MAP3K13: variants seen among roughly 807,000 people sequenced by gnomAD.
MAP3K13 encodes the protein mitogen-activated protein kinase kinase kinase 13, also known as leucine zipper-bearing kinase.
A neutral mutation model predicts 104.0 loss-of-function variants in MAP3K13; 52 were observed. The ratio of observed to expected loss-of-function variants is 0.50; its 90% CI spans 0.40 to 0.63. The LOEUF (loss-of-function observed/expected upper bound fraction) is 0.63, where lower values mean the gene tolerates loss of function less well. Among genes scored for constraint, MAP3K13 ranks in the 20% least tolerant of loss-of-function variants. MAP3K13 has a pLI of 0.00. For missense variants in MAP3K13, 914 were observed against 1,218.5 expected, an observed-to-expected ratio of 0.75 and a Z score of 3.72; for synonymous variants, 394 against 442.2, an observed-to-expected ratio of 0.89 and a Z score of 1.37.
chr3:185,339,474 A>G (rs1392568603), intron 2 of MAP3K13, among the ~76,000 whole-genome samples: 6 of 152,240 alleles, frequency 3.9e-5, no homozygotes, highest in South Asian at 4.1e-4. Context: ...GCTCCACCCC[A>G]GGCCTAACTG....
chr3:185,288,534 T>TGTGTG (rs57631600), intron 2 of MAP3K13, among the ~76,000 whole-genome samples: 95,480 of 147,932 alleles, frequency 0.65, 31,535 homozygotes, highest in Non-Finnish European at 0.72. Flanking sequence ...GTGTGTGTGT[T>TGTGTG]TGTGTGTATA....
At chr3:185,422,707 A>C (rs1022376588) in intron 1 of MAP3K13, among the ~76,000 whole-genome samples, 3 of 152,244 alleles carry the variant, frequency 2.0e-5, no homozygotes, top group African/African-American at 7.2e-5. Context: ...GCTGAAATTC[A>C]CATATATATT....
Position 185,373,716 on chromosome 3 carries a change from A to G in MAP3K13, c.-86+10348A>G, listed in dbSNP as rs926335178. On this transcript the variant is annotated intron_variant, in intron 1 of 13. Transcript: ENST00000265026. ...GTGTGCCTAAATAACAAGAGAACAA[A>G]ACTTTTTTTTCTATTTCTGTTTCTC... 2.6e-4 allele frequency among the ~76,000 whole-genome samples: 40 copies of G among 152,078 alleles called. 2 individuals carry two copies. Among genetic ancestry groups the G allele is most frequent in the African/African-American group, 9.4e-4 (39 of 41,484 alleles).
chr3:185,424,463 C>T (rs1392688145), intron 1 of MAP3K13, among the ~76,000 whole-genome samples: 2 of 152,278 alleles, frequency 1.3e-5, no homozygotes, highest in African/African-American at 4.8e-5. Flanking sequence ...AGAGAAATTT[C>T]TTCTCTTGTG....
At chr3:185,401,596 G>A (rs559647574) in intron 1 of MAP3K13, among the ~76,000 whole-genome samples, 98 of 152,290 alleles carry the variant, frequency 6.4e-4, no homozygotes, top group African/African-American at 1.8e-3. Flanking sequence ...TCAGTAAAGC[G>A]GCAGAGGCAT....
intron 1 of MAP3K13, among the ~76,000 whole-genome samples, chr3:185,371,087 G>A (rs1016077452): frequency 6.6e-6 from 1 of 151,774 alleles, no homozygotes; most frequent in Non-Finnish European, 1.5e-5. Flanking sequence ...TTTGAAAATT[G>A]TTCTTTCATA....
At chr3:185,453,982 GAT>G (rs1173935240) in intron 7 of MAP3K13, among the ~76,000 whole-genome samples, 117 of 33,712 alleles carry the variant, frequency 3.5e-3, no homozygotes, top group Non-Finnish European at 5.4e-3. Flanking sequence ...ATATATATGA[GAT>G]ATATATATGA....
Position 185,482,868 on chromosome 3 carries a change from A to G in MAP3K13, c.*412A>G. 1 of 234,606 alleles carries G rather than the reference A, an allele frequency of 4.3e-6. No individual in the cohort carries two copies. Among genetic ancestry groups the G allele is most frequent in the Non-Finnish European group, 8.4e-6 (1 of 119,186 alleles). 14.5% of individuals were successfully genotyped at this position (234,606 alleles called of 1,614,324 possible). ...AAAAAAGAAATAAGTGGAATTTAAG[A>G]GCAACATCCTTGGGAATTTGTGGGG... On this transcript the variant is annotated 3_prime_UTR_variant, in exon 14 of 14. Coordinates refer to ENST00000265026, the MANE Select transcript of MAP3K13 (RefSeq NM_004721.5). The surrounding 1 kb of genome is among the most constrained non-coding windows in gnomAD (Gnocchi z 4.5).
chr3:185,283,108 G>C (rs1262952317), intron 1 of MAP3K13: 1 of 152,680 alleles, frequency 6.5e-6, no homozygotes, highest in Non-Finnish European at 1.5e-5. Flanking sequence ...CCCTAAGCGC[G>C]GGTGGACACA....
At chr3:185,341,569 T>A (rs1722724058) in intron 2 of MAP3K13, among the ~76,000 whole-genome samples, 1 of 152,246 alleles carries the variant, frequency 6.6e-6, no homozygotes, top group South Asian at 2.1e-4. Context: ...CTTTCTGTGT[T>A]AAGCCTGTGG....
Position 185,485,877 on chromosome 3 carries a change from G to A in MAP3K13, c.*3421G>A, listed in dbSNP as rs1466964461. ...AATGCCTAACTGTGATGTCATCCTA[G>A]AACAAGACTAAAGAACTTTAAGAAG... is the stretch of plus-strand genomic sequence containing the variant. On this transcript the variant is annotated 3_prime_UTR_variant, in exon 14 of 14. Coordinates refer to ENST00000265026, the MANE Select transcript of MAP3K13 (RefSeq NM_004721.5). 1.3e-5 allele frequency: 2 copies of A among 152,080 alleles called. No homozygotes were observed. The highest frequency in any genetic ancestry group is 2.9e-5 in the Non-Finnish European group (2 of 67,994). The allele number at this position is 152,080 out of a possible 1,614,324, so 9.4% of individuals were successfully genotyped here.
chr3:185,316,886 T>C (rs1721697542), intron 2 of MAP3K13, among the ~76,000 whole-genome samples: 1 of 152,216 alleles, frequency 6.6e-6, no homozygotes, highest in Non-Finnish European at 1.5e-5. Flanking sequence ...GGAAGGACGA[T>C]GACTGGGTTT....
intron 1 of MAP3K13, among the ~76,000 whole-genome samples, chr3:185,388,940 A>C (rs1387232686): frequency 6.6e-6 from 1 of 152,204 alleles, no homozygotes; most frequent in Non-Finnish European, 1.5e-5. Flanking sequence ...AATTTGTGTC[A>C]TATTCGTTCT....
intron 2 of MAP3K13, among the ~76,000 whole-genome samples, chr3:185,295,502 C>G (rs2108676083): frequency 6.6e-6 from 1 of 152,360 alleles, no homozygotes; most frequent in East Asian, 1.9e-4. Context: ...AGCGCCCAGC[C>G]TTCTTTAGGG....
At chr3:185,376,116 A>G (rs894057079) in intron 1 of MAP3K13, among the ~76,000 whole-genome samples, 1 of 152,126 alleles carries the variant, frequency 6.6e-6, no homozygotes, top group Non-Finnish European at 1.5e-5. Context: ...TGAAGGAAAC[A>G]TGGGGAAATG....
intron 1 of MAP3K13, chr3:185,417,705 T>A: frequency 6.2e-7 from 1 of 1,612,324 alleles, no homozygotes; most frequent in African/African-American, 1.3e-5. Context: ...GTAGTGCTGC[T>A]GCTGCAGCAG....
chr3:185,386,981 A>G (rs1711734958), intron 1 of MAP3K13, among the ~76,000 whole-genome samples: 1 of 152,162 alleles, frequency 6.6e-6, no homozygotes, highest in South Asian at 2.1e-4. Flanking sequence ...GAATGGGATG[A>G]TGTGTGCAGC....
At chr3:185,410,136 C>T (rs184643616) in intron 1 of MAP3K13, among the ~76,000 whole-genome samples, 4 of 152,308 alleles carry the variant, frequency 2.6e-5, no homozygotes, top group Non-Finnish European at 5.9e-5. Context: ...CTGCTGCTCA[C>T]CTCCTGCTGT....
chr3:185,465,439 T>A (rs1442220546), intron 8 of MAP3K13, among the ~76,000 whole-genome samples: 1 of 152,234 alleles, frequency 6.6e-6, no homozygotes, highest in Non-Finnish European at 1.5e-5. Context: ...ATATTTCCAT[T>A]AACATATGAG....
Sources: gnomAD v4.1 joint callset for allele counts (sites outside exome capture counted in the v4.1 genomes callset) on GRCh38, gnomAD v4.1.1 for gene constraint, Gnocchi (gnomAD v3.1) non-coding constraint, MANE v1.5 for transcripts, NCBI Gene and HGNC (gene_info 2026-07-23, HGNC 2026-07-21) for gene names.